Variants in BCKDHB observed in about 807,000 individuals in gnomAD.
The protein encoded by BCKDHB is branched chain keto acid dehydrogenase E1 subunit beta.
BCKDHB carries 41 observed loss-of-function variants against 48.5 expected under a neutral mutation model. That is an observed-to-expected ratio of 0.85 (90% CI 0.66 to 1.10). The LOEUF (loss-of-function observed/expected upper bound fraction) is 1.10, where lower values mean the gene tolerates loss of function less well. Ranked by LOEUF, BCKDHB falls within the 50% of genes least tolerant of loss-of-function variation. The probability of loss-of-function intolerance (pLI) is 0.00; values close to 1 mark genes in which losing one functional copy is unlikely to be tolerated. For synonymous variants in BCKDHB, 201 were observed against 174.8 expected, an observed-to-expected ratio of 1.15 and a Z score of -1.18; for missense variants, 496 against 494.2, an observed-to-expected ratio of 1.00 and a Z score of -0.03.
chr6:80,129,079 A>T, intron 2 of BCKDHB, 82 bp from the exon 3 acceptor site: 1 of 1,061,728 alleles, frequency 9.4e-7, no homozygotes. Context: ...TAAAATGTAA[A>T]CATTTAAATT....
intron 9 of BCKDHB, among the ~76,000 whole-genome samples, chr6:80,337,841 A>G (rs1020465405): frequency 1.3e-5 from 2 of 152,136 alleles, no homozygotes; most frequent in African/African-American, 4.8e-5. Flanking sequence ...AGATAATCCT[A>G]CAGGAAACGT....
chr6:80,261,561 T>A (rs1777301854), intron 8 of BCKDHB, among the ~76,000 whole-genome samples: 1 of 151,886 alleles, frequency 6.6e-6, no homozygotes, highest in East Asian at 1.9e-4. Context: ...ACCCTGAGAG[T>A]GGTAGGCAGT....
chr6:80,272,102 T>C (rs912251701), intron 8 of BCKDHB, among the ~76,000 whole-genome samples: 1 of 152,158 alleles, frequency 6.6e-6, no homozygotes, highest in Non-Finnish European at 1.5e-5. Flanking sequence ...TAAAATTTTA[T>C]GTTCTAAAGT....
intron 8 of BCKDHB, among the ~76,000 whole-genome samples, chr6:80,210,520 GA>G (rs1367818758): frequency 3.9e-5 from 6 of 151,970 alleles, no homozygotes; most frequent in Non-Finnish European, 8.8e-5. Context: ...TTAAATTTTT[GA>G]AAACTGAGCC....
At chr6:80,426,749 T>A in the BCKDHB span, among the ~76,000 whole-genome samples, 5 of 152,150 alleles carry the variant, frequency 3.3e-5, no homozygotes, top group Non-Finnish European at 5.9e-5. Context: ...GAATATAGTT[T>A]ATTTTGTAAA....
At chr6:80,392,201 C>CTCTAA in the BCKDHB span, among the ~76,000 whole-genome samples, 2 of 152,058 alleles carry the variant, frequency 1.3e-5, no homozygotes, top group Non-Finnish European at 2.9e-5. Context: ...ACTATGTTGT[C>CTCTAA]CAGGCTGGTC....
chr6:80,277,619 T>C (rs1778018532), intron 9 of BCKDHB, among the ~76,000 whole-genome samples: 1 of 151,464 alleles, frequency 6.6e-6, no homozygotes, highest in South Asian at 2.1e-4. Context: ...TTAAAAAGAG[T>C]GCCAGAAATT....
chr6:80,431,391 C>T, the BCKDHB span, among the ~76,000 whole-genome samples: 2 of 152,116 alleles, frequency 1.3e-5, no homozygotes, highest in East Asian at 3.9e-4. Flanking sequence ...TTTTCTGTCT[C>T]ATTGATCTGT....
the BCKDHB span, among the ~76,000 whole-genome samples, chr6:80,402,914 A>T: frequency 2.5e-4 from 38 of 151,852 alleles, no homozygotes; most frequent in Admixed American, 2.2e-3. Flanking sequence ...AGTTGATCAG[A>T]TATGTGAAGG....
At chr6:80,220,760 G>C (rs1344960798) in intron 8 of BCKDHB, among the ~76,000 whole-genome samples, 1 of 132,144 alleles carries the variant, frequency 7.6e-6, no homozygotes, top group South Asian at 2.5e-4. Context: ...TTGAGATGGA[G>C]TTTTGCTCTT....
chr6:80,155,990 T>C (rs921281364), intron 3 of BCKDHB, among the ~76,000 whole-genome samples: 3 of 151,748 alleles, frequency 2.0e-5, no homozygotes, highest in African/African-American at 4.8e-5. Context: ...AAAAATACTT[T>C]CCCCCCCAAC....
At chr6:80,244,803 A>G (rs1348626222) in intron 8 of BCKDHB, among the ~76,000 whole-genome samples, 3 of 152,236 alleles carry the variant, frequency 2.0e-5, no homozygotes, top group African/African-American at 7.2e-5. Context: ...TGACTGTAAC[A>G]AAACAAATTA....
chr6:80,167,185 A>C (rs990568098), intron 3 of BCKDHB, among the ~76,000 whole-genome samples: 1 of 151,890 alleles, frequency 6.6e-6, no homozygotes, highest in African/African-American at 2.4e-5. Flanking sequence ...GCCTGCTATT[A>C]ATATAGTGAC....
the BCKDHB span, among the ~76,000 whole-genome samples, chr6:80,439,596 T>C: frequency 6.6e-6 from 1 of 152,228 alleles, no homozygotes; most frequent in Non-Finnish European, 1.5e-5. Flanking sequence ...TCAGTTTGTA[T>C]TAGTTTCATC....
chr6:80,416,717 G>T, the BCKDHB span, among the ~76,000 whole-genome samples: 1 of 151,502 alleles, frequency 6.6e-6, no homozygotes, highest in Non-Finnish European at 1.5e-5. Context: ...TCAATTTACA[G>T]TTGTCCCATG....
At chr6:80,406,462 ACT>A in the BCKDHB span, among the ~76,000 whole-genome samples, 1 of 152,080 alleles carries the variant, frequency 6.6e-6, no homozygotes, top group Non-Finnish European at 1.5e-5. Flanking sequence ...GCTAATTTAC[ACT>A]CCCACCAACA....
the BCKDHB span, among the ~76,000 whole-genome samples, chr6:80,410,492 C>T: frequency 4.6e-5 from 7 of 152,158 alleles, no homozygotes; most frequent in East Asian, 3.8e-4. Context: ...GAATGTTGGC[C>T]TGCCCTGCTA....
intron 5 of BCKDHB, among the ~76,000 whole-genome samples, chr6:80,170,539 C>T (rs1772856543): frequency 1.3e-5 from 2 of 152,084 alleles, no homozygotes; most frequent in African/African-American, 4.8e-5. Flanking sequence ...CTCTCTAAAC[C>T]TCAGTGTCTA....
the BCKDHB span, among the ~76,000 whole-genome samples, chr6:80,365,344 G>A: frequency 1.3e-5 from 2 of 152,094 alleles, no homozygotes; most frequent in African/African-American, 4.8e-5. Flanking sequence ...TAAGCCTGAG[G>A]GTACTGCAGG....
Sources: allele counts gnomAD v4.1 joint callset (sites outside exome capture counted in the v4.1 genomes callset), GRCh38; gene constraint gnomAD v4.1.1; transcripts MANE v1.5; gene names NCBI Gene and HGNC (gene_info 2026-07-23, HGNC 2026-07-21).